Variants in FBN2 observed in about 807,000 individuals in gnomAD.
FBN2 encodes fibrillin-2.
Under a neutral mutation model 355.6 loss-of-function variants are expected in FBN2, and 105 were observed. That is an observed-to-expected ratio of 0.30 (90% CI 0.25 to 0.35). The LOEUF is 0.35. FBN2 is among the 10% of genes least tolerant of loss of function. The pLI is 1.00. For missense variants in FBN2, 3,280 were observed against 3,758.7 expected, an observed-to-expected ratio of 0.87 and a Z score of 3.33; for synonymous variants, 1,350 against 1,301.2, an observed-to-expected ratio of 1.04 and a Z score of -0.81.
At chr5:128,406,181 C>T (rs918220709) in intron 8 of FBN2, among the ~76,000 whole-genome samples, 2 of 152,168 alleles carry the variant, frequency 1.3e-5, no homozygotes, top group Non-Finnish European at 2.9e-5. Context: ...TTTAAGATCT[C>T]CAGTGGATGC....
At chr5:128,533,838 C>A (rs1419956070) in intron 2 of FBN2, among the ~76,000 whole-genome samples, 1 of 151,530 alleles carries the variant, frequency 6.6e-6, no homozygotes, top group Non-Finnish European at 1.5e-5. Context: ...CAAATTGTTT[C>A]ATTGCTTCAT....
At chr5:128,461,846 TG>T (rs1403368826) in intron 6 of FBN2, among the ~76,000 whole-genome samples, 2 of 98,440 alleles carry the variant, frequency 2.0e-5, no homozygotes, top group African/African-American at 8.1e-5. Context: ...CACCAGGGCC[TG>T]TTGGGGGGTC....
chr5:128,377,427 G>C (rs1752106006), intron 13 of FBN2, among the ~76,000 whole-genome samples: 1 of 151,990 alleles, frequency 6.6e-6, no homozygotes, highest in Non-Finnish European at 1.5e-5. Flanking sequence ...AAATACAGTA[G>C]CGGTCAGTAA....
intron 6 of FBN2, among the ~76,000 whole-genome samples, chr5:128,450,289 G>T (rs777829981): frequency 1.7e-4 from 26 of 152,070 alleles, no homozygotes; most frequent in Non-Finnish European, 3.1e-4. Flanking sequence ...CTGAGGCCAT[G>T]TAAAAGGTTC....
chr5:128,537,077 G>A (rs1318505573), intron 1 of FBN2, among the ~76,000 whole-genome samples: 2 of 152,120 alleles, frequency 1.3e-5, no homozygotes, highest in African/African-American at 4.8e-5. Flanking sequence ...CGCAGCGCGA[G>A]CTCTGCACAC....
rs1015038627 is a variant in FBN2 at position 128,386,543 on chromosome 5, T to G, written c.1603+5475A>C. Among the ~76,000 whole-genome samples, 15 of 152,298 alleles carry G rather than the reference T, an allele frequency of 9.8e-5. No individual in the cohort carries two copies. In the South Asian group the frequency reaches 2.9e-3, roughly 29 times the overall value. On this transcript the variant is annotated intron_variant, in intron 11 of 64. Coordinates refer to ENST00000262464, the MANE Select transcript of FBN2 (RefSeq NM_001999.4). ...TTCCACATGAATTTTAAAATAGGTT[T>G]TTTTCTAATTCTGTAAATAATGTTG... is the stretch of plus-strand genomic sequence containing the variant.
intron 28 of FBN2, 55 bp downstream of exon 28, chr5:128,335,933 T>A: frequency 6.2e-7 from 1 of 1,601,238 alleles, no homozygotes; most frequent in Non-Finnish European, 8.5e-7. Flanking sequence ...CGCCAAAAGT[T>A]TTCCTAGGCT....
chr5:128,370,637 T>A (rs1176618750), intron 15 of FBN2, among the ~76,000 whole-genome samples: 1 of 152,152 alleles, frequency 6.6e-6, no homozygotes, highest in Non-Finnish European at 1.5e-5. Flanking sequence ...ATTTCCAATA[T>A]GATTTTTGTG....
At chr5:128,502,044 A>G (rs1485972352) in intron 5 of FBN2, among the ~76,000 whole-genome samples, 1 of 152,130 alleles carries the variant, frequency 6.6e-6, no homozygotes, top group Non-Finnish European at 1.5e-5. Flanking sequence ...ATTATAAAGT[A>G]AAAACCCTTT....
intron 7 of FBN2, among the ~76,000 whole-genome samples, chr5:128,436,814 C>T (rs917808237): frequency 1.3e-4 from 20 of 152,170 alleles, no homozygotes; most frequent in Middle Eastern, 3.2e-3. Flanking sequence ...TAAGCCAGGG[C>T]AGAATCCCTT....
At chr5:128,309,927 C>T in intron 40 of FBN2, 56 bp downstream of exon 40, 2 of 1,579,070 alleles carry the variant, frequency 1.3e-6, no homozygotes, top group East Asian at 2.2e-5. Flanking sequence ...GACGTAAGTG[C>T]TTTATGTGTG....
intron 55 of FBN2, among the ~76,000 whole-genome samples, chr5:128,283,683 T>C (rs921313988): frequency 6.6e-6 from 1 of 152,194 alleles, no homozygotes; most frequent in African/African-American, 2.4e-5. Context: ...GCAATTTACA[T>C]CTATGGCTCA....
At chr5:128,465,157 G>C (rs1328186616) in intron 5 of FBN2, among the ~76,000 whole-genome samples, 2 of 152,210 alleles carry the variant, frequency 1.3e-5, no homozygotes, top group African/African-American at 4.8e-5. Context: ...CTGTGTCTGG[G>C]ATACAGATGT....
At chr5:128,313,809 C>T (rs924519461) in intron 36 of FBN2, among the ~76,000 whole-genome samples, 11 of 143,854 alleles carry the variant, frequency 7.6e-5, no homozygotes, top group African/African-American at 1.8e-4. Context: ...GCCGAGATCA[C>T]GCCACTGCAC....
At chr5:128,365,784 G>T (rs1750923384) in intron 17 of FBN2, among the ~76,000 whole-genome samples, 1 of 150,922 alleles carries the variant, frequency 6.6e-6, no homozygotes, top group Non-Finnish European at 1.5e-5. Context: ...AAATATAAAA[G>T]AATCTGAAAA....
intron 7 of FBN2, among the ~76,000 whole-genome samples, chr5:128,410,972 A>G (rs2127002731): frequency 6.6e-6 from 1 of 152,352 alleles, no homozygotes. Context: ...AAACAACAAC[A>G]ACAAAACCCC....
At chr5:128,454,279 G>GT (rs1251171058) in intron 6 of FBN2, among the ~76,000 whole-genome samples, 1 of 152,174 alleles carries the variant, frequency 6.6e-6, no homozygotes, top group African/African-American at 2.4e-5. Flanking sequence ...TTTCATGTTA[G>GT]TTTTTTGTGG....
intron 6 of FBN2, among the ~76,000 whole-genome samples, chr5:128,461,929 A>C (rs1754569760): frequency 6.6e-6 from 1 of 152,204 alleles, no homozygotes; most frequent in Non-Finnish European, 1.5e-5. Context: ...TCCTGTAACA[A>C]ACCTACATAT....
At chr5:128,262,919 G>A (rs1307104481) in intron 63 of FBN2, among the ~76,000 whole-genome samples, 1 of 152,168 alleles carries the variant, frequency 6.6e-6, no homozygotes, top group Non-Finnish European at 1.5e-5. Context: ...GGTCAGGCCC[G>A]TGCTGAATGA....
Sources: allele counts gnomAD v4.1 joint callset (sites outside exome capture counted in the v4.1 genomes callset), GRCh38; gene constraint gnomAD v4.1.1; transcripts MANE v1.5; gene names NCBI Gene and HGNC (gene_info 2026-07-23, HGNC 2026-07-21).